Variants in TMEM131L observed in about 807,000 individuals in gnomAD.
TMEM131L encodes transmembrane protein 131-like.
In TMEM131L, 54 loss-of-function variants were observed where a neutral mutation model predicts 192.2. The observed-to-expected ratio is 0.28, with a 90% CI of 0.23 to 0.35. TMEM131L has a LOEUF of 0.35. Among genes scored for constraint, TMEM131L ranks in the 10% least tolerant of loss-of-function variants. The probability of loss-of-function intolerance (pLI) is 1.00; values close to 1 mark genes in which losing one functional copy is unlikely to be tolerated. For synonymous variants in TMEM131L, 701 were observed against 704.9 expected, an observed-to-expected ratio of 0.99 and a Z score of 0.09; for missense variants, 1,888 against 1,972.9, an observed-to-expected ratio of 0.96 and a Z score of 0.82.
At chr4:153,562,133 G>C (rs1472566706) in intron 7 of TMEM131L, among the ~76,000 whole-genome samples, 2 of 151,876 alleles carry the variant, frequency 1.3e-5, no homozygotes, top group Admixed American at 1.3e-4. Flanking sequence ...CGCCTCCTGG[G>C]TTCAAGCAAT....
chr4:153,578,056 C>G (rs1431550027), intron 7 of TMEM131L, among the ~76,000 whole-genome samples: 1 of 152,108 alleles, frequency 6.6e-6, no homozygotes, highest in Non-Finnish European at 1.5e-5. Context: ...GCAGAGGAAC[C>G]AGAGAGAAAG....
intron 7 of TMEM131L, among the ~76,000 whole-genome samples, chr4:153,571,014 A>G (rs10034819): frequency 0.11 from 16,008 of 151,954 alleles, 2,558 homozygotes; most frequent in African/African-American, 0.34. Context: ...TTAAATTAGT[A>G]CATTCCTTTA....
chr4:153,594,478 A>G (rs748398861), intron 19 of TMEM131L, among the ~76,000 whole-genome samples: 6 of 152,230 alleles, frequency 3.9e-5, no homozygotes, highest in African/African-American at 9.6e-5. Flanking sequence ...GGCTATTTAT[A>G]TACAGCTGAG....
intron 7 of TMEM131L, among the ~76,000 whole-genome samples, chr4:153,572,030 ATGT>A (rs1394248031): frequency 1.8e-4 from 27 of 151,786 alleles, no homozygotes; most frequent in Admixed American, 1.8e-3. Context: ...GACTTTCTAG[ATGT>A]TGTTTTCTTT....
chr4:153,549,410 A>G (rs190950451), intron 3 of TMEM131L, among the ~76,000 whole-genome samples: 1 of 152,144 alleles, frequency 6.6e-6, no homozygotes, highest in Admixed American at 6.5e-5. Context: ...TCATACTCAT[A>G]TGTGTATTTT....
chr4:153,494,723 A>G (rs1165823053), intron 3 of TMEM131L, among the ~76,000 whole-genome samples: 1 of 152,222 alleles, frequency 6.6e-6, no homozygotes, highest in African/African-American at 2.4e-5. Context: ...GTCTTCTTGC[A>G]AATGAGGAGT....
chr4:153,564,864 C>G (rs1276916408), intron 7 of TMEM131L, among the ~76,000 whole-genome samples: 2 of 152,198 alleles, frequency 1.3e-5, no homozygotes, highest in Non-Finnish European at 2.9e-5. Flanking sequence ...CATACAAGGT[C>G]CTTGATAACC....
At chr4:153,539,170 A>G (rs2150316150) in intron 3 of TMEM131L, among the ~76,000 whole-genome samples, 1 of 152,242 alleles carries the variant, frequency 6.6e-6, no homozygotes, top group South Asian at 2.1e-4. Context: ...CCTCCCCCAA[A>G]AGGGGGGGAG....
chr4:153,615,219 G>A (rs1732895228), intron 26 of TMEM131L, among the ~76,000 whole-genome samples: 2 of 152,196 alleles, frequency 1.3e-5, no homozygotes, highest in Non-Finnish European at 2.9e-5. Flanking sequence ...GGCTAATTGA[G>A]AATTACCTTA....
At chr4:153,593,175 A>T (rs1021132045) in intron 18 of TMEM131L, among the ~76,000 whole-genome samples, 6 of 152,196 alleles carry the variant, frequency 3.9e-5, no homozygotes, top group Admixed American at 3.9e-4. Context: ...CATGTCTGTT[A>T]TATCTTATTT....
intron 2 of TMEM131L, among the ~76,000 whole-genome samples, chr4:153,469,343 G>A (rs1730993412): frequency 1.0e-5 from 1 of 95,992 alleles, no homozygotes; most frequent in Non-Finnish European, 1.9e-5. Flanking sequence ...ACACACACGT[G>A]TGTATGTGTG....
intron 7 of TMEM131L, among the ~76,000 whole-genome samples, chr4:153,573,526 C>T (rs1008903022): frequency 1.3e-5 from 2 of 152,244 alleles, no homozygotes; most frequent in Admixed American, 6.5e-5. Context: ...CTGAAGCTGC[C>T]AGCCCAGGTT....
At chr4:153,629,257 C>G (rs1468879316) in intron 31 of TMEM131L, among the ~76,000 whole-genome samples, 3 of 152,190 alleles carry the variant, frequency 2.0e-5, no homozygotes, top group Non-Finnish European at 4.4e-5. Flanking sequence ...TTGCTTCTTG[C>G]TTTACTAGAA....
chr4:153,474,172 A>G (rs553526193), intron 3 of TMEM131L, among the ~76,000 whole-genome samples: 3 of 152,166 alleles, frequency 2.0e-5, no homozygotes, highest in African/African-American at 4.8e-5. Context: ...ATAAACATCT[A>G]TTGAGTGCCA....
At chr4:153,493,027 G>T (rs143327331) in intron 3 of TMEM131L, among the ~76,000 whole-genome samples, 1 of 152,246 alleles carries the variant, frequency 6.6e-6, no homozygotes, top group African/African-American at 2.4e-5. Flanking sequence ...CTAACCTCAA[G>T]GTAGGGTAGT....
At chr4:153,539,859 C>G (rs1032057706) in intron 3 of TMEM131L, among the ~76,000 whole-genome samples, 41 of 151,678 alleles carry the variant, frequency 2.7e-4, no homozygotes, top group African/African-American at 9.4e-4. Context: ...GCCTGTAATT[C>G]CAGCACTATG....
rs903900224 is a variant in TMEM131L, at chr4:153,634,296, A to G, written c.4417+16A>G. The G allele has an allele frequency of 5.1e-6, 8 of 1,565,598 alleles. 1 individual carries two copies. The Middle Eastern group carries it at 5.0e-4, about 98-fold the overall frequency. ...TTTCCAGAAGGTAAGGGCTCTTCAG[A>G]CAATCCCAACGCCATTATTTTATTC... is the stretch of plus-strand genomic sequence containing the variant. On this transcript the variant is annotated intron_variant, in intron 33 of 34. Transcript: ENST00000409959.
chr4:153,599,030 C>T (rs1317828225), intron 21 of TMEM131L, among the ~76,000 whole-genome samples: 2 of 149,584 alleles, frequency 1.3e-5, no homozygotes, highest in Non-Finnish European at 3.0e-5. Flanking sequence ...AAAGAAATTC[C>T]TGAAACTGGG....
At chr4:153,544,597 A>G (rs1737034383) in intron 3 of TMEM131L, among the ~76,000 whole-genome samples, 1 of 152,152 alleles carries the variant, frequency 6.6e-6, no homozygotes, top group South Asian at 2.1e-4. Context: ...TTCTGTGCTC[A>G]GTTCTCCAAG....
Sources: gnomAD v4.1 joint callset for allele counts (sites outside exome capture counted in the v4.1 genomes callset) on GRCh38, gnomAD v4.1.1 for gene constraint, MANE v1.5 for transcripts, NCBI Gene and HGNC (gene_info 2026-07-23, HGNC 2026-07-21) for gene names.